The following MYT1L variants were observed in gnomAD, a reference collection of about 807,000 sequenced individuals.
MYT1L encodes myelin transcription factor 1 like, also known as myelin transcription factor 1-like protein.
A neutral mutation model predicts 126.7 loss-of-function variants in MYT1L; 12 were observed. The ratio of observed to expected loss-of-function variants is 0.09; its 90% confidence interval spans 0.06 to 0.15. The LOEUF is 0.15. Among genes scored for constraint, MYT1L ranks in the 10% least tolerant of loss-of-function variants. MYT1L has a pLI of 1.00. For missense variants in MYT1L, 979 were observed against 1,585.2 expected, an observed-to-expected ratio of 0.62 and a Z score of 6.49; for synonymous variants, 541 against 604.2, an observed-to-expected ratio of 0.90 and a Z score of 1.53.
Position 2,202,159 on chromosome 2 carries a change from A to G in MYT1L, c.-420-29171T>C, listed in dbSNP as rs570925452. 1.0e-3 allele frequency among the ~76,000 whole-genome samples: 157 copies of G among 152,214 alleles called. 1 individual carries two copies. Among genetic ancestry groups the G allele is most frequent in the Middle Eastern group, 3.4e-3 (1 of 294 alleles). ...AAATTTATAGCACTAAATGCCCACAAGAGAAAGCAGGAAAGATCTAAAATT... is the reference window on the plus strand; with the variant it reads ...AAATTTATAGCACTAAATGCCCACAGGAGAAAGCAGGAAAGATCTAAAATT... On this transcript the variant is annotated intron_variant, in intron 2 of 24. Transcript: ENST00000647738.
intron 10 of MYT1L, among the ~76,000 whole-genome samples, chr2:1,918,542 AT>A (rs2053158225): frequency 6.6e-6 from 1 of 152,210 alleles, no homozygotes; most frequent in Admixed American, 6.5e-5. Flanking sequence ...TGGATTTAGA[AT>A]TTTTTGAACT....
intron 3 of MYT1L, among the ~76,000 whole-genome samples, chr2:2,097,032 T>G (rs1026564710): frequency 6.6e-6 from 1 of 152,104 alleles, no homozygotes; most frequent in Admixed American, 6.5e-5. Flanking sequence ...CCTTAACCTC[T>G]GTTCTGCCAC....
chr2:2,025,849 T>G (rs1351079354), intron 4 of MYT1L, among the ~76,000 whole-genome samples: 1 of 152,228 alleles, frequency 6.6e-6, no homozygotes. Context: ...GTGTGACCTA[T>G]TGCAATTATA....
intron 2 of MYT1L, among the ~76,000 whole-genome samples, chr2:2,260,698 A>G (rs747528324): frequency 3.9e-5 from 6 of 152,040 alleles, no homozygotes; most frequent in Non-Finnish European, 7.4e-5. Flanking sequence ...TGCTTTATTA[A>G]AATTTCCTAA....
intron 15 of MYT1L, among the ~76,000 whole-genome samples, chr2:1,891,825 T>C (rs1028735223): frequency 5.9e-5 from 9 of 152,246 alleles, no homozygotes; most frequent in Non-Finnish European, 1.2e-4. Flanking sequence ...CCCTTGCCTC[T>C]GATTTAGAAA....
At chr2:2,016,776 C>A (rs116695824) in intron 4 of MYT1L, among the ~76,000 whole-genome samples, 1 of 152,238 alleles carries the variant, frequency 6.6e-6, no homozygotes, top group Non-Finnish European at 1.5e-5. Flanking sequence ...ATCTAGATCA[C>A]GTGAAGACAC....
At chr2:1,796,681 C>G (rs1273631013) in intron 23 of MYT1L, among the ~76,000 whole-genome samples, 2 of 141,718 alleles carry the variant, frequency 1.4e-5, no homozygotes, top group Non-Finnish European at 3.1e-5. Context: ...GGGCAGCATC[C>G]CAGCCTCCCA....
At chr2:1,998,380 C>T (rs1162741926) in intron 4 of MYT1L, among the ~76,000 whole-genome samples, 1 of 152,218 alleles carries the variant, frequency 6.6e-6, no homozygotes. Context: ...GAAACCAGAG[C>T]GTAGAGTTAA....
At chr2:1,871,618 C>T (rs975321309) in intron 18 of MYT1L, among the ~76,000 whole-genome samples, 1 of 152,162 alleles carries the variant, frequency 6.6e-6, no homozygotes, top group Non-Finnish European at 1.5e-5. Context: ...ATCGAGGGTC[C>T]CTGTGCCCCT....
chr2:2,102,097 C>T (rs914353695), intron 3 of MYT1L, among the ~76,000 whole-genome samples: 2 of 152,184 alleles, frequency 1.3e-5, no homozygotes, highest in South Asian at 4.1e-4. Flanking sequence ...TCCTCCAAAT[C>T]CCTGCAGTCC....
chr2:1,934,269 C>T (rs1380581892), intron 9 of MYT1L, among the ~76,000 whole-genome samples: 6 of 134,494 alleles, frequency 4.5e-5, no homozygotes, highest in African/African-American at 8.5e-5. Flanking sequence ...CACAGCCCCC[C>T]GCCTGATTTT....
chr2:1,896,286 A>G (rs1056105091), intron 14 of MYT1L, among the ~76,000 whole-genome samples: 3 of 152,214 alleles, frequency 2.0e-5, no homozygotes, highest in African/African-American at 7.2e-5. Context: ...AAGTTTTCCC[A>G]AAGCACTTAA....
Position 1,801,844 on chromosome 2 carries a change from A to AT in MYT1L, c.3173-46dup. ...TATGTTAAAACTGTTATATACAAAAATATTAGAGTTAGAATTTTGGGAGCT... is the reference window on the plus strand; with the variant it reads ...TATGTTAAAACTGTTATATACAAAAATTATTAGAGTTAGAATTTTGGGAGCT... On this transcript the variant is annotated intron_variant, in intron 22 of 24. Transcript: ENST00000647738. This position sits in a 1 kb window ranked among gnomAD's most constrained non-coding sequence, Gnocchi z 4.2. The AT allele has an allele frequency of 8.1e-7, 1 of 1,240,406 alleles. No individual in the cohort carries two copies. Among genetic ancestry groups the AT allele is most frequent in the East Asian group, 2.4e-5 (1 of 41,234 alleles). 76.8% of individuals were successfully genotyped at this position (1,240,406 alleles called of 1,614,324 possible).
chr2:2,126,991 C>A (rs1459655099), intron 3 of MYT1L, among the ~76,000 whole-genome samples: 2 of 152,216 alleles, frequency 1.3e-5, no homozygotes, highest in Non-Finnish European at 2.9e-5. Context: ...GCTTTTCTAG[C>A]CTACTCAATT....
At chr2:1,802,683 T>C (rs540615233) in intron 22 of MYT1L, among the ~76,000 whole-genome samples, 1 of 152,278 alleles carries the variant, frequency 6.6e-6, no homozygotes, top group East Asian at 1.9e-4. Flanking sequence ...TTCTGGACAC[T>C]TGCTTCCCTG....
At chr2:1,881,198 C>T (rs2047490536) in intron 18 of MYT1L, among the ~76,000 whole-genome samples, 1 of 152,174 alleles carries the variant, frequency 6.6e-6, no homozygotes, top group Non-Finnish European at 1.5e-5. Context: ...CACTTGTAGC[C>T]TCTTCCACTG....
chr2:2,108,131 G>A (rs1465345294), intron 3 of MYT1L, among the ~76,000 whole-genome samples: 2 of 152,076 alleles, frequency 1.3e-5, no homozygotes, highest in South Asian at 2.1e-4. Flanking sequence ...CCCCTTATTC[G>A]GAGGGTGTCC....
chr2:2,107,591 T>C (rs2150541243), intron 3 of MYT1L, among the ~76,000 whole-genome samples: 1 of 151,728 alleles, frequency 6.6e-6, no homozygotes, highest in African/African-American at 2.4e-5. Flanking sequence ...CCAGATAATT[T>C]TTACGGAGTT....
At chr2:2,093,775 T>G (rs1405166619) in intron 3 of MYT1L, among the ~76,000 whole-genome samples, 2 of 152,352 alleles carry the variant, frequency 1.3e-5, no homozygotes, top group African/African-American at 4.8e-5. Flanking sequence ...CATGCCTATG[T>G]CCTGAATGGT....
Sources: allele counts gnomAD v4.1 joint callset (sites outside exome capture counted in the v4.1 genomes callset), GRCh38; gene constraint gnomAD v4.1.1; non-coding constraint Gnocchi (gnomAD v3.1); transcripts MANE v1.5; gene names NCBI Gene and HGNC (gene_info 2026-07-23, HGNC 2026-07-21).